KLHL3: variants seen among roughly 807,000 people sequenced by gnomAD.
KLHL3 encodes the protein kelch like family member 3.
In KLHL3, 19 loss-of-function variants were observed where a neutral mutation model predicts 70.5. The ratio of observed to expected loss-of-function variants is 0.27; its 90% CI spans 0.19 to 0.40. The LOEUF (loss-of-function observed/expected upper bound fraction) is 0.40, where lower values mean the gene tolerates loss of function less well. Among genes scored for constraint, KLHL3 ranks in the 10% least tolerant of loss-of-function variants. The probability of loss-of-function intolerance (pLI) is 1.00; values close to 1 mark genes in which losing one functional copy is unlikely to be tolerated. For synonymous variants in KLHL3, 258 were observed against 290.3 expected (o/e 0.89, Z 1.13); for missense variants, 512 against 771.1 (o/e 0.66, Z 3.98).
At chr5:137,682,403 T>TAGAGAGAGGGAGAGAGAGAGAGAGAG (rs1752049533) in intron 5 of KLHL3, among the ~76,000 whole-genome samples, 1 of 133,374 alleles carries the variant, frequency 7.5e-6, no homozygotes, top group Non-Finnish European at 1.6e-5. Context: ...GTGCTGGACA[T>TAGAGAGAGGGAGAGAGAGAGAGAGAG]AGAGAGAGAG....
intron 8 of KLHL3, among the ~76,000 whole-genome samples, chr5:137,648,871 G>C (rs984518833): frequency 3.9e-5 from 6 of 152,178 alleles, no homozygotes; most frequent in Non-Finnish European, 8.8e-5. Flanking sequence ...AAACCAGCCT[G>C]CCCTTGGAAT....
At chr5:137,631,762 T>C (rs534040015) in intron 12 of KLHL3, among the ~76,000 whole-genome samples, 36 of 152,314 alleles carry the variant, frequency 2.4e-4, no homozygotes, top group African/African-American at 7.2e-4. Flanking sequence ...GCCTGGCACA[T>C]AGTAAGCCTT....
rs913393966 is a variant in KLHL3, at chr5:137,634,184, C to A, written c.1322-19G>T. 4 of 1,590,860 alleles carry A rather than the reference C, an allele frequency of 2.5e-6. No individual in the cohort carries two copies. Among genetic ancestry groups the A allele is most frequent in the Middle Eastern group, 2.0e-4 (1 of 4,932 alleles). ...AGCTTCCCTGCAATAGACAAAGTGG[C>A]TGAGTGTGGTGCCAGGGATACTGGC... On this transcript the variant is annotated intron_variant, in intron 11 of 14. Coordinates refer to ENST00000309755, the MANE Select transcript of KLHL3 (RefSeq NM_017415.3).
intron 7 of KLHL3, 127 bp from the exon 8 acceptor site, chr5:137,658,407 CA>C (rs1751396291): frequency 3.4e-6 from 3 of 879,424 alleles, no homozygotes; most frequent in Non-Finnish European, 5.5e-6. Flanking sequence ...ATCTCAGACC[CA>C]AAGAGTTACA....
intron 3 of KLHL3, chr5:137,706,534 T>G (rs1180436982): frequency 5.3e-6 from 1 of 190,232 alleles, no homozygotes; most frequent in African/African-American, 2.4e-5. Flanking sequence ...TACCTTTTAA[T>G]CGAGTACTTC....
intron 3 of KLHL3, among the ~76,000 whole-genome samples, chr5:137,698,770 A>G (rs1752503726): frequency 6.6e-6 from 1 of 152,270 alleles, no homozygotes; most frequent in Non-Finnish European, 1.5e-5. Context: ...ACACAAGTCT[A>G]GTAAGGCAGA....
At chr5:137,642,982 G>C (rs1464119915) in intron 8 of KLHL3, among the ~76,000 whole-genome samples, 9 of 152,138 alleles carry the variant, frequency 5.9e-5, no homozygotes, top group Admixed American at 5.9e-4. Context: ...TCATCTCTGA[G>C]AATTTTCACA....
rs762347772 is a variant in KLHL3, at chr5:137,706,144, T to A, written c.241+3606A>T. The A allele has an allele frequency of 1.2e-5, 12 of 985,254 alleles. No individual in the cohort carries two copies. In the African/African-American group the frequency reaches 1.9e-4, roughly 16 times the overall value. The allele number at this position is 985,254 out of a possible 1,614,324, so 61.0% of individuals were successfully genotyped here. ...ACCACCTCAGGACATTTGGGCAACA[T>A]GAACTCGGAAGACAAAAAAATAAAA... On this transcript the variant is annotated intron_variant, in intron 3 of 14. Transcript: ENST00000309755.
intron 6 of KLHL3, among the ~76,000 whole-genome samples, chr5:137,662,246 CA>C: frequency 8.0e-6 from 1 of 124,706 alleles, no homozygotes; most frequent in Middle Eastern, 4.0e-3. Context: ...ACTCTACACA[CA>C]CACACACACA....
chr5:137,720,766 A>G, intron 1 of KLHL3, 182 bp from the exon 2 acceptor site: 1 of 1,424,490 alleles, frequency 7.0e-7, no homozygotes, highest in Non-Finnish European at 9.2e-7. Context: ...AGCAAAGTGC[A>G]TTCCTCTGAA....
At chr5:137,627,959 G>A in intron 13 of KLHL3, 1 of 273,560 alleles carries the variant, frequency 3.7e-6, no homozygotes, top group Non-Finnish European at 7.0e-6. Context: ...ACAGAGCCCT[G>A]TCCTTAGCTA....
chr5:137,642,819 G>C (rs1750949364), intron 8 of KLHL3, among the ~76,000 whole-genome samples: 1 of 151,222 alleles, frequency 6.6e-6, no homozygotes, highest in Admixed American at 6.6e-5. Context: ...ACCACCAAAA[G>C]AAAGTTTGCT....
intron 11 of KLHL3, 83 bp from the exon 12 acceptor site, chr5:137,634,248 A>C (rs1274241635): frequency 2.8e-6 from 4 of 1,452,140 alleles, no homozygotes; most frequent in Non-Finnish European, 3.7e-6. Context: ...TCTGCAACCA[A>C]CTGGGGCACC....
chr5:137,627,024 T>C (rs1469674116), intron 13 of KLHL3, among the ~76,000 whole-genome samples: 1 of 152,150 alleles, frequency 6.6e-6, no homozygotes, highest in Admixed American at 6.6e-5. Context: ...TTTCTGGCCT[T>C]TTATTCTAAA....
chr5:137,688,261 T>C (rs1164903747), intron 5 of KLHL3, among the ~76,000 whole-genome samples: 1 of 151,780 alleles, frequency 6.6e-6, no homozygotes, highest in Non-Finnish European at 1.5e-5. Context: ...CAGGAGAGGA[T>C]CACAGGCACC....
intron 6 of KLHL3, among the ~76,000 whole-genome samples, chr5:137,665,270 A>G (rs1265948542): frequency 6.6e-6 from 1 of 152,232 alleles, no homozygotes; most frequent in Non-Finnish European, 1.5e-5. Flanking sequence ...TCTAAAAGAA[A>G]TAGCCATAAA....
At chr5:137,723,783 T>G (rs538811203) in intron 1 of KLHL3, among the ~76,000 whole-genome samples, 5 of 152,374 alleles carry the variant, frequency 3.3e-5, no homozygotes, top group African/African-American at 1.2e-4. Context: ...TGCTAATGAA[T>G]AGTATTGTCA....
intron 12 of KLHL3, among the ~76,000 whole-genome samples, chr5:137,630,242 A>C (rs1561582213): frequency 6.6e-6 from 1 of 152,116 alleles, no homozygotes; most frequent in Non-Finnish European, 1.5e-5. Flanking sequence ...TGATTTCCTA[A>C]ATCAAGGTCA....
At chr5:137,667,113 G>T (rs1029004910) in intron 6 of KLHL3, among the ~76,000 whole-genome samples, 12 of 152,168 alleles carry the variant, frequency 7.9e-5, no homozygotes, top group Admixed American at 5.2e-4. Flanking sequence ...ACCTGTTTTG[G>T]TAAATAAAAT....
Sources: gnomAD v4.1 joint callset for allele counts (sites outside exome capture counted in the v4.1 genomes callset) on GRCh38, gnomAD v4.1.1 for gene constraint, MANE v1.5 for transcripts, NCBI Gene and HGNC (gene_info 2026-07-23, HGNC 2026-07-21) for gene names.